Variants in SYNPR observed in about 807,000 individuals in gnomAD.
The protein encoded by SYNPR is synaptoporin.
SYNPR carries 23 observed loss-of-function variants against 32.9 expected under a neutral mutation model. The observed-to-expected ratio is 0.70, with a 90% CI of 0.50 to 0.99. The LOEUF (loss-of-function observed/expected upper bound fraction) is 0.99, where lower values mean the gene tolerates loss of function less well. Among genes scored for constraint, SYNPR ranks in the 50% least tolerant of loss-of-function variants. The pLI is 0.00. For synonymous variants in SYNPR, 146 were observed against 135.9 expected, an observed-to-expected ratio of 1.07 and a Z score of -0.52; for missense variants, 318 against 349.3, an observed-to-expected ratio of 0.91 and a Z score of 0.71.
chr3:63,260,848 C>T (rs2086431408), intron 2 of SYNPR, among the ~76,000 whole-genome samples: 1 of 150,494 alleles, frequency 6.6e-6, no homozygotes, highest in African/African-American at 2.5e-5. Context: ...TATCCAGAAT[C>T]TACAATGAAC....
intron 3 of SYNPR, among the ~76,000 whole-genome samples, chr3:63,541,229 C>CTT (rs568674294): frequency 7.1e-6 from 1 of 140,092 alleles, no homozygotes; most frequent in Non-Finnish European, 1.6e-5. Context: ...ACTGCCAATT[C>CTT]TTTTTTTTTT....
chr3:63,239,858 C>A (rs2086228276), intron 1 of SYNPR, among the ~76,000 whole-genome samples: 2 of 152,100 alleles, frequency 1.3e-5, no homozygotes, highest in Admixed American at 1.3e-4. Flanking sequence ...CCACCATTGT[C>A]AAGTGTGTCA....
At chr3:63,432,349 G>T (rs1033159300) in intron 2 of SYNPR, among the ~76,000 whole-genome samples, 16 of 152,120 alleles carry the variant, frequency 1.1e-4, no homozygotes, top group African/African-American at 2.9e-4. Context: ...GCCTTCTGGT[G>T]GTACACAGGG....
chr3:63,435,009 A>T (rs1048290116), intron 2 of SYNPR, among the ~76,000 whole-genome samples: 1 of 152,240 alleles, frequency 6.6e-6, no homozygotes, highest in Non-Finnish European at 1.5e-5. Flanking sequence ...GTACCAGAAG[A>T]GTAGATAATT....
intron 2 of SYNPR, among the ~76,000 whole-genome samples, chr3:63,412,518 T>C (rs539432925): frequency 1.3e-5 from 2 of 152,098 alleles, no homozygotes; most frequent in African/African-American, 2.4e-5. Flanking sequence ...AGCTGAGACA[T>C]ATAAAAGTCA....
chr3:63,611,026 C>T (rs2106906468), intron 5 of SYNPR, among the ~76,000 whole-genome samples: 1 of 152,296 alleles, frequency 6.6e-6, no homozygotes, highest in South Asian at 2.1e-4. Context: ...ACAGAAAACT[C>T]AATTCAAACT....
At chr3:63,300,453 C>A (rs750254981) in intron 2 of SYNPR, among the ~76,000 whole-genome samples, 65 of 152,134 alleles carry the variant, frequency 4.3e-4, no homozygotes, top group Non-Finnish European at 5.7e-4. Context: ...TTCAGATATG[C>A]TTTAAGGATA....
chr3:63,536,404 A>T (rs1702209504), intron 3 of SYNPR, among the ~76,000 whole-genome samples: 1 of 152,150 alleles, frequency 6.6e-6, no homozygotes, highest in African/African-American at 2.4e-5. Flanking sequence ...GCAAATCAAA[A>T]CTACACTATT....
At chr3:63,221,139 G>T in the SYNPR span, among the ~76,000 whole-genome samples, 1 of 152,164 alleles carries the variant, frequency 6.6e-6, no homozygotes, top group African/African-American at 2.4e-5. Flanking sequence ...GTGATAACAA[G>T]TAGAGATGTC....
chr3:63,372,830 G>A (rs1203561533), intron 2 of SYNPR, among the ~76,000 whole-genome samples: 1 of 152,162 alleles, frequency 6.6e-6, no homozygotes, highest in African/African-American at 2.4e-5. Flanking sequence ...AGTGGGAGAG[G>A]AGCCCACACT....
intron 2 of SYNPR, among the ~76,000 whole-genome samples, chr3:63,319,551 G>A (rs1435948539): frequency 6.6e-6 from 1 of 151,644 alleles, no homozygotes; most frequent in Non-Finnish European, 1.5e-5. Context: ...AAACTACCTA[G>A]GAATAAACTT....
At chr3:63,252,521 C>A (rs1251248745) in exon 2 of SYNPR, 1 of 152,064 alleles carries the variant, frequency 6.6e-6, no homozygotes, top group Admixed American at 6.6e-5. Flanking sequence ...TTACACTGCG[C>A]CTTTAAGGAA....
intron 5 of SYNPR, among the ~76,000 whole-genome samples, chr3:63,610,837 T>G (rs1487112265): frequency 6.6e-6 from 1 of 152,236 alleles, no homozygotes; most frequent in Non-Finnish European, 1.5e-5. Context: ...ACTTCTGATA[T>G]ATCTAATAAT....
chr3:63,600,292 G>C (rs558065629), intron 4 of SYNPR, among the ~76,000 whole-genome samples: 5 of 152,302 alleles, frequency 3.3e-5, no homozygotes, highest in South Asian at 4.1e-4. Flanking sequence ...GAGAGCTTCT[G>C]ATCTCCTCTC....
chr3:63,457,001 G>A (rs1200298258), intron 2 of SYNPR, among the ~76,000 whole-genome samples: 2 of 152,032 alleles, frequency 1.3e-5, no homozygotes, highest in Non-Finnish European at 2.9e-5. Context: ...CCTCTGACCT[G>A]GGCTGTCTTG....
intron 3 of SYNPR, among the ~76,000 whole-genome samples, chr3:63,516,198 T>G (rs1052377034): frequency 2.0e-5 from 3 of 152,166 alleles, no homozygotes; most frequent in African/African-American, 7.2e-5. Flanking sequence ...CTCACTATCC[T>G]GCTGCCCATC....
At chr3:63,541,229 CTT>C (rs568674294) in intron 3 of SYNPR, among the ~76,000 whole-genome samples, 58 of 139,796 alleles carry the variant, frequency 4.1e-4, no homozygotes, top group Non-Finnish European at 3.9e-4. Context: ...ACTGCCAATT[CTT>C]TTTTTTTTTT....
intron 2 of SYNPR, among the ~76,000 whole-genome samples, chr3:63,260,771 A>G (rs1156704978): frequency 6.6e-6 from 1 of 151,994 alleles, no homozygotes; most frequent in Non-Finnish European, 1.5e-5. Flanking sequence ...AACTACCATC[A>G]GAGTGAACAG....
At chr3:63,564,905 G>A (rs1702755762) in intron 4 of SYNPR, among the ~76,000 whole-genome samples, 1 of 152,128 alleles carries the variant, frequency 6.6e-6, no homozygotes, top group Non-Finnish European at 1.5e-5. Flanking sequence ...GCTTCTTCCA[G>A]AGCCCACAGC....
Sources: allele counts gnomAD v4.1 joint callset (sites outside exome capture counted in the v4.1 genomes callset), GRCh38; gene constraint gnomAD v4.1.1; transcripts MANE v1.5; gene names NCBI Gene and HGNC (gene_info 2026-07-23, HGNC 2026-07-21).